ASIC2: variants seen among roughly 807,000 people sequenced by gnomAD.
The protein encoded by ASIC2 is acid sensing ion channel subunit 2, also known as acid-sensing ion channel 2.
A neutral mutation model predicts 57.3 loss-of-function variants in ASIC2; 25 were observed. That is an observed-to-expected ratio of 0.44 (90% CI 0.32 to 0.61). The LOEUF (loss-of-function observed/expected upper bound fraction) is 0.61. ASIC2 is among the 20% of genes least tolerant of loss of function. The pLI is 0.06. For synonymous variants in ASIC2, 319 were observed against 307.5 expected (o/e 1.04, Z -0.39); for missense variants, 641 against 738.1 (o/e 0.87, Z 1.52).
intron 1 of ASIC2, among the ~76,000 whole-genome samples, chr17:33,875,707 G>A (rs1451841945): frequency 1.3e-5 from 2 of 152,076 alleles, no homozygotes; most frequent in African/African-American, 4.8e-5. Context: ...GATGCTTAAT[G>A]AATATGGCAG....
At chr17:33,062,457 G>T (rs79718433) in intron 3 of ASIC2, among the ~76,000 whole-genome samples, 1,929 of 152,170 alleles carry the variant, frequency 0.013, 37 homozygotes, top group African/African-American at 0.044. Flanking sequence ...TCAGTTTCCA[G>T]GTAGTTGAGC....
rs563095090 is a variant in ASIC2 at position 34,030,395 on chromosome 17, A to G, written c.555+125583T>C. ...TGAGGAGAAGCCAAGATGGCTGAAT[A>G]GGAACAGCTCCGGTCTACAGCTCCC... On this transcript the variant is annotated intron_variant, in intron 1 of 9. Coordinates refer to the ASIC2 transcript ENST00000359872. 9.2e-5 allele frequency among the ~76,000 whole-genome samples: 14 copies of G among 152,376 alleles called. No homozygotes were observed. In the East Asian group the frequency reaches 2.3e-3, roughly 25 times the overall value.
chr17:33,641,927 T>G (rs549173091), intron 1 of ASIC2, among the ~76,000 whole-genome samples: 1 of 152,236 alleles, frequency 6.6e-6, no homozygotes, highest in Non-Finnish European at 1.5e-5. Context: ...AAGTGAGATA[T>G]AAAAAGATCA....
rs1348175376 is a variant in ASIC2, at chr17:34,108,769, TTC to T, written c.555+47207_555+47208del. 4.6e-5 allele frequency among the ~76,000 whole-genome samples: 7 copies of T among 152,094 alleles called. No homozygotes were observed. In the East Asian group the frequency reaches 9.6e-4, roughly 21 times the overall value. On this transcript the variant is annotated intron_variant, in intron 1 of 9. Coordinates refer to the ASIC2 transcript ENST00000359872. ...GCAGATATGTCTATTTTGATTTTAG[TTC>T]TGTTATTTTTTTCTTCGTTATATTT...
At chr17:33,816,171 G>GT (rs1005484742) in intron 1 of ASIC2, among the ~76,000 whole-genome samples, 224 of 11,566 alleles carry the variant, frequency 0.019, 1 homozygote, top group Non-Finnish European at 0.047. Context: ...ACCAACTGAA[G>GT]GGGGGGCGGG....
At chr17:33,997,740 A>C (rs1906208889) in intron 1 of ASIC2, among the ~76,000 whole-genome samples, 1 of 151,486 alleles carries the variant, frequency 6.6e-6, no homozygotes. Context: ...ATCACAGTAT[A>C]TGATCCTTCT....
At chr17:34,120,402 G>C (rs1911572823) in intron 1 of ASIC2, among the ~76,000 whole-genome samples, 1 of 152,062 alleles carries the variant, frequency 6.6e-6, no homozygotes, top group Non-Finnish European at 1.5e-5. Context: ...GAGTGTGTCT[G>C]TGCACACGCA....
rs35026243 is a variant in ASIC2, at chr17:33,672,427, T to TAA, written c.555+483549_555+483550dup. ...GTTATTTTATTTTACACTCCTTGCTTAAAAAAAAAAAAAGTCTTCACTTAA... is the reference window on the plus strand; with the variant it reads ...GTTATTTTATTTTACACTCCTTGCTTAAAAAAAAAAAAAAAGTCTTCACTTAA... On this transcript the variant is annotated intron_variant, in intron 1 of 9. Transcript: ENST00000359872. Among the ~76,000 whole-genome samples, 677 of 141,860 alleles carry TAA rather than the reference T, an allele frequency of 4.8e-3. 9 individuals are homozygous for TAA. The highest frequency in any genetic ancestry group is 0.017 in the African/African-American group (643 of 38,946). 93.1% of individuals were successfully genotyped at this position (141,860 alleles called of 152,430 possible).
intron 3 of ASIC2, among the ~76,000 whole-genome samples, chr17:33,045,644 G>A (rs1243901121): frequency 6.6e-6 from 1 of 151,932 alleles, no homozygotes; most frequent in Non-Finnish European, 1.5e-5. Context: ...GGGTCATGGC[G>A]GGGGCCACCA....
chr17:33,199,713 CA>C (rs1906778791), intron 1 of ASIC2, among the ~76,000 whole-genome samples: 1 of 152,174 alleles, frequency 6.6e-6, no homozygotes, highest in Non-Finnish European at 1.5e-5. Flanking sequence ...GTAACAGGCT[CA>C]GAAATCGATG....
At chr17:33,192,383 C>G (rs995654664) in intron 1 of ASIC2, among the ~76,000 whole-genome samples, 1 of 142,278 alleles carries the variant, frequency 7.0e-6, no homozygotes, top group African/African-American at 2.6e-5. Flanking sequence ...AACTCAGTCT[C>G]AAAAACAAAA....
At chr17:33,322,784 C>T (rs535780424) in intron 1 of ASIC2, among the ~76,000 whole-genome samples, 87 of 151,622 alleles carry the variant, frequency 5.7e-4, no homozygotes, top group Non-Finnish European at 1.1e-3. Flanking sequence ...CTCACCCAGG[C>T]TGGGCACGAG....
intron 3 of ASIC2, among the ~76,000 whole-genome samples, chr17:33,069,456 T>C (rs923948140): frequency 3.3e-5 from 5 of 152,178 alleles, no homozygotes; most frequent in African/African-American, 1.2e-4. Context: ...GGCATAATTG[T>C]GGATTTGTTG....
Position 33,489,656 on chromosome 17 carries a change from C to T in ASIC2, c.556-377589G>A, listed in dbSNP as rs117117711. ...AATAAAAGGGATGAAGCCACAGACC[C>T]AACCTCCAGCTGAAACTAGATTTGC... On this transcript the variant is annotated intron_variant, in intron 1 of 9. Coordinates refer to the ASIC2 transcript ENST00000359872. Among the ~76,000 whole-genome samples the T allele has an allele frequency of 2.4e-3, 371 of 152,320 alleles. 3 individuals are homozygous for T. The highest frequency in any genetic ancestry group is 4.4e-3 in the Non-Finnish European group (298 of 68,026).
At chr17:33,794,016 T>A (rs866386451) in intron 1 of ASIC2, 1 of 152,054 alleles carries the variant, frequency 6.6e-6, no homozygotes, top group Non-Finnish European at 1.5e-5. Flanking sequence ...TTCTTGGAGG[T>A]GTTATTTATC....
chr17:33,215,712 T>TC (rs71144866), intron 1 of ASIC2, among the ~76,000 whole-genome samples: 1 of 151,776 alleles, frequency 6.6e-6, no homozygotes, highest in Non-Finnish European at 1.5e-5. Flanking sequence ...TGGCTTTTTT[T>TC]TTTTTTTGAG....
intron 1 of ASIC2, among the ~76,000 whole-genome samples, chr17:33,533,271 A>G (rs775750206): frequency 2.6e-5 from 4 of 152,180 alleles, no homozygotes; most frequent in Admixed American, 6.5e-5. Context: ...GCTTGAACTC[A>G]GGAGGCAGAG....
chr17:33,730,960 G>A lies in ASIC2; in HGVS notation c.555+425018C>T, dbSNP rs1177073419. ...TGGTGGCAATGAGGGCAGGTTCCTG[G>A]ATCTTGGGCATTTATCTTGTTTCTA... On this transcript the variant is annotated intron_variant, in intron 1 of 9. Coordinates refer to the ASIC2 transcript ENST00000359872. Among the ~76,000 whole-genome samples, 4 of 152,120 alleles carry A rather than the reference G, an allele frequency of 2.6e-5. No individual in the cohort carries two copies. The East Asian group carries it at 7.7e-4, about 29-fold the overall frequency.
chr17:33,712,173 T>G (rs1909056576), intron 1 of ASIC2, among the ~76,000 whole-genome samples: 1 of 152,214 alleles, frequency 6.6e-6, no homozygotes, highest in African/African-American at 2.4e-5. Flanking sequence ...ACTGAACCAC[T>G]TGACCTCCAG....
Sources: gnomAD v4.1 joint callset for allele counts (sites outside exome capture counted in the v4.1 genomes callset) on GRCh38, gnomAD v4.1.1 for gene constraint, MANE v1.5 for transcripts, NCBI Gene and HGNC (gene_info 2026-07-23, HGNC 2026-07-21) for gene names.